The following GABBR2 variants were observed in gnomAD, a reference collection of about 807,000 sequenced individuals.
GABBR2 encodes G-protein coupled receptor 51.
GABBR2 carries 23 observed loss-of-function variants against 105.6 expected under a neutral mutation model. That is an observed-to-expected ratio of 0.22 (90% CI 0.16 to 0.31). The LOEUF (loss-of-function observed/expected upper bound fraction) is 0.31, where lower values mean the gene tolerates loss of function less well. GABBR2 is among the 10% of genes least tolerant of loss of function. GABBR2 has a pLI of 1.00. For synonymous variants in GABBR2, 478 were observed against 499.7 expected, an observed-to-expected ratio of 0.96 and a Z score of 0.58; for missense variants, 734 against 1,245.5, an observed-to-expected ratio of 0.59 and a Z score of 6.18.
In GABBR2 at chr9:98,577,854, T is replaced by C; in HGVS notation, c.459+81A>G. 4.4e-6 allele frequency: 6 copies of C among 1,373,832 alleles called. 1 individual carries two copies. The highest frequency in any genetic ancestry group is 4.1e-5 in the South Asian group (3 of 72,338). The allele number at this position is 1,373,832 out of a possible 1,614,324, so 85.1% of individuals were successfully genotyped here. ...TGACCCAGGCAACATAGAAACCACATTGTACAAGGAATAATTCCTGCAAAA... is the reference window on the plus strand; with the variant it reads ...TGACCCAGGCAACATAGAAACCACACTGTACAAGGAATAATTCCTGCAAAA... On this transcript the variant is annotated intron_variant, in intron 2 of 18. Coordinates refer to ENST00000259455, the MANE Select transcript of GABBR2 (RefSeq NM_005458.8).
At chr9:98,482,332 G>A (rs973892116) in intron 4 of GABBR2, among the ~76,000 whole-genome samples, 2 of 152,166 alleles carry the variant, frequency 1.3e-5, no homozygotes, top group African/African-American at 4.8e-5. Flanking sequence ...AGAATGGAAA[G>A]AAGAGGGGAA....
chr9:98,464,068 G>A (rs1588174650), intron 6 of GABBR2, among the ~76,000 whole-genome samples: 1 of 152,244 alleles, frequency 6.6e-6, no homozygotes, highest in East Asian at 1.9e-4. Context: ...CGTCTAGGAA[G>A]TGAGCAGCGT....
At chr9:98,451,799 A>G (rs1826234620) in intron 7 of GABBR2, among the ~76,000 whole-genome samples, 1 of 152,150 alleles carries the variant, frequency 6.6e-6, no homozygotes. Context: ...CCAGCTTGCC[A>G]GTGTTCCAGC....
rs548743874 is a variant in GABBR2, at chr9:98,593,241, T to C, written c.322-15169A>G. On this transcript the variant is annotated intron_variant, in intron 1 of 18. Coordinates refer to ENST00000259455, the MANE Select transcript of GABBR2 (RefSeq NM_005458.8). Reference sequence around the variant, plus strand: ...CTGTCTATTTCCGGAATGTTTTCATTATCCCAAACAGAAAAGCTCTGCACC... The same window carrying C: ...CTGTCTATTTCCGGAATGTTTTCATCATCCCAAACAGAAAAGCTCTGCACC... Among the ~76,000 whole-genome samples the C allele has an allele frequency of 2.0e-5, 3 of 152,294 alleles. No homozygotes were observed. The East Asian group carries it at 5.8e-4, about 29-fold the overall frequency.
chr9:98,594,247 C>T (rs1829194091), intron 1 of GABBR2, among the ~76,000 whole-genome samples: 1 of 152,212 alleles, frequency 6.6e-6, no homozygotes. Flanking sequence ...AATGCACCTT[C>T]CCAGTGTCTA....
At chr9:98,677,243 C>T (rs1314047537) in intron 1 of GABBR2, among the ~76,000 whole-genome samples, 1 of 152,196 alleles carries the variant, frequency 6.6e-6, no homozygotes, top group African/African-American at 2.4e-5. Context: ...GCCTCCAGAC[C>T]CAGGCTCTTG....
intron 2 of GABBR2, among the ~76,000 whole-genome samples, chr9:98,560,402 T>TACAC (rs1251088489): frequency 1.9e-5 from 2 of 106,650 alleles, no homozygotes; most frequent in Non-Finnish European, 4.6e-5. Flanking sequence ...CATACACACA[T>TACAC]ACACACACAC....
At chr9:98,471,528 C>T (rs1188589099) in intron 6 of GABBR2, among the ~76,000 whole-genome samples, 1 of 152,210 alleles carries the variant, frequency 6.6e-6, no homozygotes, top group Non-Finnish European at 1.5e-5. Context: ...TGCTCACAGC[C>T]CTGCACACAG....
intron 7 of GABBR2, among the ~76,000 whole-genome samples, chr9:98,409,294 A>T (rs1309019470): frequency 2.0e-5 from 3 of 152,174 alleles, no homozygotes; most frequent in Non-Finnish European, 4.4e-5. Flanking sequence ...ATGTGATTTC[A>T]GGTTGGAGAA....
chr9:98,493,959 A>T (rs934930090), intron 4 of GABBR2, among the ~76,000 whole-genome samples: 6 of 152,318 alleles, frequency 3.9e-5, no homozygotes, highest in Admixed American at 3.9e-4. Flanking sequence ...AGAAGTCCAG[A>T]TATTGTTAGA....
chr9:98,438,172 TATCC>T (rs34647195), intron 7 of GABBR2, among the ~76,000 whole-genome samples: 41,420 of 143,454 alleles, frequency 0.29, 6,185 homozygotes, highest in Middle Eastern at 0.38. Context: ...TCCATCTACC[TATCC>T]ATCCATCCAT....
chr9:98,426,289 T>C (rs1015107823), intron 7 of GABBR2, among the ~76,000 whole-genome samples: 1 of 151,878 alleles, frequency 6.6e-6, no homozygotes, highest in Non-Finnish European at 1.5e-5. Context: ...AAGCACAGAG[T>C]GGTGTAAAGG....
chr9:98,348,399 T>C (rs1831336065), intron 13 of GABBR2, among the ~76,000 whole-genome samples: 1 of 152,240 alleles, frequency 6.6e-6, no homozygotes, highest in Non-Finnish European at 1.5e-5. Flanking sequence ...TTGCTCAGTA[T>C]TGCCTTGGCT....
intron 7 of GABBR2, among the ~76,000 whole-genome samples, chr9:98,448,714 A>C (rs1042516717): frequency 2.6e-5 from 4 of 152,184 alleles, no homozygotes; most frequent in Admixed American, 2.6e-4. Flanking sequence ...CACTGCACCC[A>C]GCTGATTCTG....
At chr9:98,520,367 A>G (rs939179805) in intron 3 of GABBR2, among the ~76,000 whole-genome samples, 1 of 152,214 alleles carries the variant, frequency 6.6e-6, no homozygotes, top group Non-Finnish European at 1.5e-5. Flanking sequence ...CGAAACCCCA[A>G]GGGGGATTCA....
intron 7 of GABBR2, among the ~76,000 whole-genome samples, chr9:98,444,897 ACACG>A (rs1431340984): frequency 1.4e-5 from 2 of 144,932 alleles, no homozygotes; most frequent in Admixed American, 6.9e-5. Flanking sequence ...ACACACACAC[ACACG>A]CACGTGACCT....
intron 8 of GABBR2, among the ~76,000 whole-genome samples, chr9:98,403,752 A>T (rs527624809): frequency 6.9e-6 from 1 of 143,928 alleles, no homozygotes; most frequent in South Asian, 2.2e-4. Context: ...CTGAGAAAAA[A>T]AAAAATATAT....
intron 1 of GABBR2, among the ~76,000 whole-genome samples, chr9:98,688,784 C>T (rs1471636342): frequency 1.3e-5 from 2 of 152,178 alleles, no homozygotes; most frequent in African/African-American, 4.8e-5. Context: ...CCATATCACA[C>T]TTGTGCAGGC....
intron 7 of GABBR2, among the ~76,000 whole-genome samples, chr9:98,418,620 T>A (rs1832729565): frequency 6.6e-6 from 1 of 151,996 alleles, no homozygotes; most frequent in Non-Finnish European, 1.5e-5. Context: ...TATATGTAAA[T>A]GGGAAGGAAG....
Sources: allele counts gnomAD v4.1 joint callset (sites outside exome capture counted in the v4.1 genomes callset), GRCh38; gene constraint gnomAD v4.1.1; transcripts MANE v1.5; gene names NCBI Gene and HGNC (gene_info 2026-07-23, HGNC 2026-07-21).